Variants in MEI4 observed in about 807,000 individuals in gnomAD.
MEI4 encodes the protein meiotic double-stranded break formation protein 4.
MEI4 carries 27 observed loss-of-function variants against 31.4 expected under a neutral mutation model. The ratio of observed to expected loss-of-function variants is 0.86; its 90% CI spans 0.63 to 1.19. The LOEUF (loss-of-function observed/expected upper bound fraction) is 1.19. Among genes scored for constraint, MEI4 ranks in the 50% most tolerant of loss-of-function variants. The pLI, the probability that MEI4 is intolerant of heterozygous loss-of-function variation, is 0.00. For synonymous variants in MEI4, 122 were observed against 145.4 expected (o/e 0.84, Z 1.16); for missense variants, 329 against 398.9 (o/e 0.82, Z 1.49).
rs185161070 is a variant in MEI4 at position 77,926,914 on chromosome 6, C to T, written c.*3568C>T. On this transcript the variant is annotated 3_prime_UTR_variant, in exon 5 of 5. Coordinates refer to ENST00000684080, the MANE Select transcript of MEI4 (RefSeq NM_001322247.2). ...ATTATTGTTAAAAGTTAATTGATTC[C>T]GAATTATTTATAGAATTGTATAATA... 8.6e-5 allele frequency: 13 copies of T among 151,458 alleles called. No individual in the cohort carries two copies. The highest frequency in any genetic ancestry group is 5.9e-4 in the East Asian group (3 of 5,128). 9.4% of individuals were successfully genotyped at this position (151,458 alleles called of 1,614,324 possible). A position where few individuals can be genotyped will look rare whatever the true frequency, so the allele number is the denominator to read the frequency against.
chr6:77,745,832 A>T (rs1209910397), intron 2 of MEI4, among the ~76,000 whole-genome samples: 1 of 152,234 alleles, frequency 6.6e-6, no homozygotes, highest in East Asian at 1.9e-4. Flanking sequence ...AAAACCGCTC[A>T]ACTACATGGA....
At chr6:77,844,376 G>A (rs924940105) in intron 4 of MEI4, among the ~76,000 whole-genome samples, 8 of 152,232 alleles carry the variant, frequency 5.3e-5, no homozygotes, top group Middle Eastern at 3.4e-3. Context: ...ACATTGGAGG[G>A]TCATAGTAAA....
At chr6:77,910,160 C>A (rs1281284405) in intron 4 of MEI4, among the ~76,000 whole-genome samples, 1 of 152,130 alleles carries the variant, frequency 6.6e-6, no homozygotes, top group Non-Finnish European at 1.5e-5. Flanking sequence ...GACAGGGATG[C>A]CCTCTCTCAG....
chr6:77,696,171 C>G (rs904350165), intron 2 of MEI4, among the ~76,000 whole-genome samples: 1 of 152,110 alleles, frequency 6.6e-6, no homozygotes, highest in African/African-American at 2.4e-5. Context: ...TGGACTGAGA[C>G]AATGGGGTTT....
At chr6:77,752,887 C>T (rs999818219) in intron 2 of MEI4, among the ~76,000 whole-genome samples, 1 of 152,182 alleles carries the variant, frequency 6.6e-6, no homozygotes, top group Non-Finnish European at 1.5e-5. Context: ...CAGCATGGTA[C>T]TGGTACCAAA....
chr6:77,874,146 T>G (rs1771270120), intron 4 of MEI4, among the ~76,000 whole-genome samples: 2 of 152,156 alleles, frequency 1.3e-5, no homozygotes, highest in South Asian at 4.1e-4. Context: ...GTGAAGAAAG[T>G]CTTTGGTAGC....
intron 4 of MEI4, among the ~76,000 whole-genome samples, chr6:77,916,440 T>A (rs1389318259): frequency 6.6e-6 from 1 of 152,052 alleles, no homozygotes; most frequent in Non-Finnish European, 1.5e-5. Flanking sequence ...TTCCATTATT[T>A]TGGTTATATT....
intron 2 of MEI4, among the ~76,000 whole-genome samples, chr6:77,742,569 G>A (rs1767443826): frequency 6.6e-6 from 1 of 152,134 alleles, no homozygotes; most frequent in African/African-American, 2.4e-5. Flanking sequence ...CATTTTGTAG[G>A]TTGCCTATTC....
chr6:77,652,476 A>T (rs1033042025), upstream of MEI4, among the ~76,000 whole-genome samples: 4 of 152,134 alleles, frequency 2.6e-5, no homozygotes, highest in Non-Finnish European at 4.4e-5. Context: ...TAAAGCTGGG[A>T]GCAACCTGAA....
chr6:77,791,844 A>G (rs1364754074), intron 3 of MEI4, among the ~76,000 whole-genome samples: 2 of 152,138 alleles, frequency 1.3e-5, no homozygotes, highest in South Asian at 2.1e-4. Flanking sequence ...ATTATGTAGT[A>G]TAACCATTTT....
At chr6:77,830,015 TC>T (rs1770041204) in intron 4 of MEI4, among the ~76,000 whole-genome samples, 1 of 152,106 alleles carries the variant, frequency 6.6e-6, no homozygotes, top group African/African-American at 2.4e-5. Flanking sequence ...AAACTCATTT[TC>T]ACTGTTATCA....
intron 4 of MEI4, among the ~76,000 whole-genome samples, chr6:77,881,917 A>G (rs1480477484): frequency 3.3e-5 from 5 of 152,162 alleles, no homozygotes; most frequent in Admixed American, 6.5e-5. Context: ...GTGTATTCCA[A>G]TTCAATTCAA....
At chr6:77,746,320 C>T (rs905509400) in intron 2 of MEI4, among the ~76,000 whole-genome samples, 27 of 152,116 alleles carry the variant, frequency 1.8e-4, no homozygotes, top group Admixed American at 1.5e-3. Context: ...AACTGGTAGG[C>T]TGAGTAAAGC....
rs1766792358 is a variant in MEI4, at chr6:77,924,312, G to GC, written c.*966_*967insC. 6.6e-6 allele frequency: 1 copy of GC among 151,822 alleles called. No homozygotes were observed. Among genetic ancestry groups the GC allele is most frequent in the South Asian group, 2.1e-4 (1 of 4,828 alleles). 9.4% of individuals were successfully genotyped at this position (151,822 alleles called of 1,614,324 possible). On this transcript the variant is annotated 3_prime_UTR_variant, in exon 5 of 5. Coordinates refer to ENST00000684080, the MANE Select transcript of MEI4 (RefSeq NM_001322247.2). ...TTCCTAAATGTCGTTGGCATTAAAA[G>GC]TAATCTTGATAATTCCATCTACAAT...
chr6:77,664,743 G>A (rs1053497874), intron 1 of MEI4, among the ~76,000 whole-genome samples: 2 of 152,176 alleles, frequency 1.3e-5, no homozygotes, highest in South Asian at 2.1e-4. Context: ...ACTAGGAAGG[G>A]ACTGATGTGT....
intron 2 of MEI4, among the ~76,000 whole-genome samples, chr6:77,694,661 G>A (rs34664919): frequency 0.21 from 31,255 of 151,732 alleles, 3,575 homozygotes; most frequent in African/African-American, 0.3. Flanking sequence ...CCAGTCTATC[G>A]TTGTTGGACA....
At chr6:77,705,068 T>C (rs1342678856) in intron 2 of MEI4, among the ~76,000 whole-genome samples, 1 of 152,188 alleles carries the variant, frequency 6.6e-6, no homozygotes, top group Non-Finnish European at 1.5e-5. Flanking sequence ...CCCTAGCAAC[T>C]ATGTTTGATA....
intron 4 of MEI4, among the ~76,000 whole-genome samples, chr6:77,865,251 T>C (rs1467386574): frequency 1.3e-5 from 2 of 151,898 alleles, no homozygotes; most frequent in Non-Finnish European, 2.9e-5. Flanking sequence ...CTGAAGGAGA[T>C]AGAGACACAA....
Position 77,690,741 on chromosome 6 carries a change from C to T in MEI4, c.70C>T (p.Pro24Ser). The change falls in exon 2 of 5, where the codon CCA becomes TCA. Residue 24 changes from proline (P) to serine (S), a missense_variant. By Grantham distance (74) the Pro-to-Ser change is moderately conservative. Transcript: ENST00000684080. ...ALALAIIRSK[P>S]ADKSSREYTE... ...GGCCTTGGCAATTATCCGCTCAAAA[C>T]CAGCAGACAAAAGCAGCAGAGAATA... 1 of 1,231,546 alleles carries T rather than the reference C, an allele frequency of 8.1e-7. No homozygotes were observed. Among genetic ancestry groups the T allele is most frequent in the Admixed American group, 4.2e-5 (1 of 23,660 alleles). The allele number at this position is 1,231,546 out of a possible 1,614,324, so 76.3% of individuals were successfully genotyped here.
Sources: gnomAD v4.1 joint callset for allele counts (sites outside exome capture counted in the v4.1 genomes callset) on GRCh38, gnomAD v4.1.1 for gene constraint, MANE v1.5 for transcripts, NCBI Gene and HGNC (gene_info 2026-07-23, HGNC 2026-07-21) for gene names.